The following DRC7 variants were observed in gnomAD, a reference collection of about 807,000 sequenced individuals.
DRC7 encodes dynein regulatory complex subunit 7, also known as coiled-coil domain containing 135.
DRC7 carries 80 observed loss-of-function variants against 104.4 expected under a neutral mutation model. That is an observed-to-expected ratio of 0.77 (90% confidence interval 0.64 to 0.92). The LOEUF is 0.92. Ranked by LOEUF, DRC7 falls within the 40% of genes least tolerant of loss-of-function variation. DRC7 has a pLI of 0.00. For missense variants in DRC7, 1,034 were observed against 1,141.1 expected (o/e 0.91, Z 1.35); for synonymous variants, 405 against 447.3 (o/e 0.91, Z 1.19).
At chr16:57,712,294 A>T (rs2048797961) in intron 8 of DRC7, among the ~76,000 whole-genome samples, 1 of 152,180 alleles carries the variant, frequency 6.6e-6, no homozygotes. Flanking sequence ...CTTTAATCAT[A>T]TGCAAATTAA....
intron 9 of DRC7, among the ~76,000 whole-genome samples, chr16:57,720,042 C>T (rs1160145305): frequency 6.6e-6 from 1 of 152,234 alleles, no homozygotes; most frequent in Non-Finnish European, 1.5e-5. Flanking sequence ...AAAGGTAGCA[C>T]TCACATGGTC....
At chr16:57,703,908 A>G (rs1405411625) in intron 6 of DRC7, among the ~76,000 whole-genome samples, 2 of 140,010 alleles carry the variant, frequency 1.4e-5, no homozygotes, top group African/African-American at 5.3e-5. Flanking sequence ...TGGAGGTTGC[A>G]GTGAGCTGAG....
chr16:57,726,314 C>A, intron 14 of DRC7, 31 bp downstream of exon 14: 2 of 1,585,042 alleles, frequency 1.3e-6, no homozygotes, highest in African/African-American at 1.3e-5. Context: ...GGGCAGGGGT[C>A]GGCTGCAGGA....
chr16:57,720,562 C>T (rs1378535273), intron 9 of DRC7, among the ~76,000 whole-genome samples: 3 of 152,226 alleles, frequency 2.0e-5, no homozygotes, highest in Non-Finnish European at 2.9e-5. Flanking sequence ...CTGGTCCACC[C>T]TGGCCCAAGA....
intron 7 of DRC7, 104 bp downstream of exon 7, chr16:57,705,138 C>A (rs2148737882): frequency 1.8e-5 from 22 of 1,251,614 alleles, no homozygotes; most frequent in Non-Finnish European, 2.3e-5. Context: ...TATGGACCCC[C>A]CAACTAGGTC....
chr16:57,730,879 G>A, intron 17 of DRC7, 52 bp from the exon 18 acceptor site: 1 of 1,599,150 alleles, frequency 6.3e-7, no homozygotes, highest in Non-Finnish European at 8.5e-7. Flanking sequence ...CTGCAGCCTG[G>A]GTGAAGGTCA....
In DRC7 at chr16:57,731,038, C is replaced by T. The variant is rs1262329914; in HGVS notation, c.2499C>T (p.Phe833=). Residue 833 remains phenylalanine, a synonymous_variant, in exon 18 of 19, where the codon TTC becomes TTT. Transcript: ENST00000360716. ...TGAGTTACTGCTCTCAGGCCATGTT[C>T]CGCATCCGCATCCTGGAGCAGCGCC... ...LYLSYCSQAM[F]RIRILEQRLN... 1 of 1,613,716 alleles carries T rather than the reference C, an allele frequency of 6.2e-7. No individual in the cohort carries two copies. The highest frequency in any genetic ancestry group is 1.7e-5 in the Admixed American group (1 of 60,004).
At chr16:57,705,954 C>T (rs1316565159) in intron 7 of DRC7, among the ~76,000 whole-genome samples, 1 of 146,124 alleles carries the variant, frequency 6.8e-6, no homozygotes, top group African/African-American at 2.5e-5. Context: ...ATCCTCCCAT[C>T]CATCCTTCCA....
chr16:57,700,968 CT>C lies in DRC7; in HGVS notation c.504+701del, dbSNP rs376352269. Among the ~76,000 whole-genome samples, 283 of 152,252 alleles carry C rather than the reference CT, an allele frequency of 1.9e-3. 5 individuals are homozygous for C. In the South Asian group the frequency reaches 0.032, roughly 17 times the overall value. ...TGCAATCCTAGTTAGCTCAGGGGCT[CT>C]TTAAGTATTTGACTTATGACCTGAG... On this transcript the variant is annotated intron_variant, in intron 5 of 18. Coordinates refer to ENST00000360716, the MANE Select transcript of DRC7 (RefSeq NM_001289162.2).
At chr16:57,710,133 A>G (rs1252184792) in intron 8 of DRC7, among the ~76,000 whole-genome samples, 1 of 152,214 alleles carries the variant, frequency 6.6e-6, no homozygotes, top group Non-Finnish European at 1.5e-5. Context: ...TTTCTTAACA[A>G]TATTGAATTT....
intron 16 of DRC7, among the ~76,000 whole-genome samples, chr16:57,727,938 C>T (rs1440944865): frequency 6.6e-6 from 1 of 152,190 alleles, no homozygotes; most frequent in Non-Finnish European, 1.5e-5. Flanking sequence ...GGTGTCAGCC[C>T]CCACGTCTCC....
intron 17 of DRC7, among the ~76,000 whole-genome samples, chr16:57,730,193 GTGGATGGATGAATGGATGGATGGGTGGA>G (rs1276791272): frequency 1.9e-4 from 27 of 143,882 alleles, no homozygotes; most frequent in Non-Finnish European, 1.8e-4. Flanking sequence ...GAGTGGGTGA[GTGGATGGATGAATGGATGGATGGGTGGA>G]TGGATGGATG....
chr16:57,705,934 T>C (rs1182323387), intron 7 of DRC7, among the ~76,000 whole-genome samples: 132 of 58,066 alleles, frequency 2.3e-3, no homozygotes, highest in African/African-American at 2.4e-3. Context: ...ATCCATCCTC[T>C]CATCCATCCA....
At chr16:57,701,333 C>A (rs916989125) in intron 5 of DRC7, 2 of 152,492 alleles carry the variant, frequency 1.3e-5, no homozygotes, top group African/African-American at 4.8e-5. Flanking sequence ...TAAGGGCAAA[C>A]AGGCCTAGAG....
chr16:57,728,386 A>G lies in DRC7; in HGVS notation c.2197-4A>G, dbSNP rs57064649. 0.011 allele frequency: 16,753 copies of G among 1,585,494 alleles called. 1,494 individuals are homozygous for G. In the African/African-American group the frequency reaches 0.19, roughly 18 times the overall value. Reference sequence around the variant, plus strand: ...ATCCAGCTATCTGCCCCTCACCTTTACAGGAGCGCATGATGCACGAAGAGC... The same window carrying G: ...ATCCAGCTATCTGCCCCTCACCTTTGCAGGAGCGCATGATGCACGAAGAGC... On this transcript the variant is annotated splice_region_variant and splice_polypyrimidine_tract_variant and intron_variant, in intron 16 of 18. Transcript: ENST00000360716.
At chr16:57,718,061 A>G (rs2148759868) in intron 8 of DRC7, among the ~76,000 whole-genome samples, 1 of 152,326 alleles carries the variant, frequency 6.6e-6, no homozygotes, top group South Asian at 2.1e-4. Flanking sequence ...AGCCCAGGCC[A>G]GAGAGCCTCC....
At chr16:57,708,321 A>C (rs1203103726) in intron 8 of DRC7, among the ~76,000 whole-genome samples, 2 of 152,096 alleles carry the variant, frequency 1.3e-5, no homozygotes, top group African/African-American at 4.8e-5. Context: ...GACATCCATT[A>C]GTTTCATCTG....
rs577470635 is a variant in DRC7, at chr16:57,696,976, G to A, written c.-38+382G>A. On this transcript the variant is annotated intron_variant, in intron 2 of 18. Transcript: ENST00000360716. The stretch of plus-strand genomic sequence containing the variant: ...CACCCAGGCTAGAGTGCAGTGGTGC[G>A]ATCTCAACTTACTGCAACCTCTGCC... 1.5e-3 allele frequency among the ~76,000 whole-genome samples: 231 copies of A among 152,184 alleles called. 1 individual carries two copies. Among genetic ancestry groups the A allele is most frequent in the Non-Finnish European group, 2.7e-3 (186 of 67,996 alleles).
intron 13 of DRC7, 77 bp downstream of exon 13, chr16:57,724,912 C>A: frequency 1.7e-6 from 2 of 1,208,538 alleles, no homozygotes; most frequent in Non-Finnish European, 2.4e-6. Context: ...GGTGAGAGCC[C>A]TGGCTCTGGG....
Sources: allele counts gnomAD v4.1 joint callset (sites outside exome capture counted in the v4.1 genomes callset), GRCh38; gene constraint gnomAD v4.1.1; transcripts MANE v1.5; gene names NCBI Gene and HGNC (gene_info 2026-07-23, HGNC 2026-07-21).